The following SLC13A5 variants were observed in gnomAD, a reference collection of about 807,000 sequenced individuals.
SLC13A5 encodes solute carrier family 13 member 5.
SLC13A5 carries 25 observed loss-of-function variants against 56.5 expected under a neutral mutation model. The observed-to-expected ratio is 0.44, with a 90% CI of 0.32 to 0.62. The LOEUF (loss-of-function observed/expected upper bound fraction) is 0.62. Ranked by LOEUF, SLC13A5 falls within the 20% of genes least tolerant of loss-of-function variation. The pLI is 0.04. For synonymous variants in SLC13A5, 307 were observed against 301.5 expected (o/e 1.02, Z -0.19); for missense variants, 649 against 737.8 (o/e 0.88, Z 1.39).
intron 7 of SLC13A5, chr17:6,695,320 C>T (rs1973530945): frequency 5.7e-6 from 1 of 175,732 alleles, no homozygotes; most frequent in Non-Finnish European, 1.2e-5. Context: ...AGTGCCTGGC[C>T]CACATTCCTC....
rs1275671264 is a variant in SLC13A5 at position 6,692,274 on chromosome 17, TGGAC to T, written c.1275+766_1275+769del. 5.8e-4 allele frequency among the ~76,000 whole-genome samples: 86 copies of T among 149,312 alleles called. 1 individual carries two copies. Among genetic ancestry groups the T allele is most frequent in the Admixed American group, 1.9e-3 (29 of 15,036 alleles). Reference sequence around the variant, plus strand: ...ATGGATGGATGGATGGATGGATGGATGGACGGATGGACGGACGGATGGATGGATG... The same window carrying T: ...ATGGATGGATGGATGGATGGATGGATGGATGGACGGACGGATGGATGGATG... On this transcript the variant is annotated intron_variant, in intron 9 of 11. Transcript: ENST00000433363. The surrounding 1 kb of genome is among the most constrained non-coding windows in gnomAD (Gnocchi z 5.5).
In SLC13A5 at chr17:6,695,881, C is replaced by T. The variant is rs1238675463; in HGVS notation, c.900G>A (p.Lys300=). 7.4e-6 allele frequency: 12 copies of T among 1,614,004 alleles called. No homozygotes were observed. Among genetic ancestry groups the T allele is most frequent in the African/African-American group, 1.3e-5 (1 of 74,918 alleles). ...GCTTCCGGTACTCCTCCTGCAGCAC[C>T]TTGAGGGCAGCCTTCTCGTTTTTCT... ...ESKKNEKAAL[K]VLQEEYRKLG... Residue 300 remains lysine, a synonymous_variant, in exon 7 of 12, where the codon AAG becomes AAA. Transcript: ENST00000433363.
In SLC13A5 at chr17:6,695,776, G is replaced by A. The variant is rs56224509; in HGVS notation, c.1005C>T (p.Pro335=). Residue 335 remains proline, a synonymous_variant, in exon 7 of 12, where the codon CCC becomes CCT. Coordinates refer to ENST00000433363, the MANE Select transcript of SLC13A5 (RefSeq NM_177550.5). ...LLVILWFSRD[P]GFMPGWLTVA... Reference sequence around the variant, plus strand: ...CAGTCAGCCAGCCGGGCATGAAGCCGGGGTCTCGGGAGAACCACAGGATGA... The same window carrying A: ...CAGTCAGCCAGCCGGGCATGAAGCCAGGGTCTCGGGAGAACCACAGGATGA... 0.082 allele frequency: 131,734 copies of A among 1,614,094 alleles called. 6,061 individuals are homozygous for A. The highest frequency in any genetic ancestry group is 0.095 in the Non-Finnish European group (112,362 of 1,179,992).
In SLC13A5 at chr17:6,686,225, C is replaced by T. The variant is rs1567612268; in HGVS notation, c.1689G>A (p.Val563=). The change falls in exon 12 of 12, where the codon GTG becomes GTA. Residue 563 remains valine, a synonymous_variant. Transcript: ENST00000433363. ...GCTCTTCCTAAGTCTCAATATGTGT[C>T]ACATTAGCCCAGTCAGGGAAATGAT... ...DLDHFPDWAN[V]THIET is the part of the protein sequence containing the mutation. The T allele has an allele frequency of 3.1e-6, 5 of 1,614,038 alleles. No individual in the cohort carries two copies. Among genetic ancestry groups the T allele is most frequent in the Non-Finnish European group, 4.2e-6 (5 of 1,180,042 alleles).
rs555139145 is a variant in SLC13A5 at position 6,687,663 on chromosome 17, G to A, written c.1441C>T (p.Arg481Cys). ...LFLPIFASMS[R>C]SIGLNPLYIM... ...TACAGCGGATTGAGGCCGATGGAGC[G>A]AGACTGCGGAAAAACAGCACTGCAA... The change falls in exon 11 of 12, where the codon CGC becomes TGC. Residue 481 changes from arginine to cysteine, a missense_variant. Coordinates refer to ENST00000433363, the MANE Select transcript of SLC13A5 (RefSeq NM_177550.5). The surrounding 1 kb of genome is among the most constrained non-coding windows in gnomAD (Gnocchi z 5.0). 51 of 1,593,638 alleles carry A rather than the reference G, an allele frequency of 3.2e-5. No homozygotes were observed. The highest frequency in any genetic ancestry group is 6.8e-5 in the East Asian group (3 of 44,212).
At chr17:6,707,211 C>G (rs188300653) in intron 1 of SLC13A5, 55 bp from the exon 2 acceptor site, 6 of 1,603,738 alleles carry the variant, frequency 3.7e-6, no homozygotes, top group Non-Finnish European at 3.4e-6. Flanking sequence ...TCCCCACCCC[C>G]AGAACACTCC....
chr17:6,707,012 C>T lies in SLC13A5; in HGVS notation c.231+16G>A. 6.2e-7 allele frequency: 1 copy of T among 1,613,572 alleles called. No homozygotes were observed. The highest frequency in any genetic ancestry group is 8.5e-7 in the Non-Finnish European group (1 of 1,179,936). ...GGAGAACCAGAAAGTCACCAGGATC[C>T]CTTGGGTCTGCTCACCTGCCTGGAG... is the stretch of plus-strand genomic sequence containing the variant. On this transcript the variant is annotated intron_variant, in intron 2 of 11. Transcript: ENST00000433363.
rs756166033 is a variant in SLC13A5 at position 6,690,926 on chromosome 17, G to A, written c.1290C>T (p.Ser430=). ...GCTCCATCTGCTTCCCCATCCACAC[G>A]GACAGCCCCGAGGCCTGGGAAGCAC... ...LAKGSEASGL[S]VWMGKQMEPL... Residue 430 remains serine (S), a synonymous_variant, in exon 10 of 12, where the codon TCC becomes TCT. Transcript: ENST00000433363. The A allele has an allele frequency of 3.1e-5, 50 of 1,609,734 alleles. No homozygotes were observed. Among genetic ancestry groups the A allele is most frequent in the Non-Finnish European group, 3.7e-5 (44 of 1,177,382 alleles).
At chr17:6,696,559 C>T (rs1346331724) in intron 6 of SLC13A5, among the ~76,000 whole-genome samples, 1 of 152,030 alleles carries the variant, frequency 6.6e-6, no homozygotes, top group Non-Finnish European at 1.5e-5. Context: ...GACCAGTGTC[C>T]ATTGTCCAGG....
chr17:6,686,608 G>A (rs1973259255), intron 11 of SLC13A5: 3 of 400,330 alleles, frequency 7.5e-6, no homozygotes, highest in Non-Finnish European at 1.4e-5. Flanking sequence ...GGAGGCAACA[G>A]CTTAGGCCAT....
At chr17:6,710,624 C>A (rs1299702933) in intron 1 of SLC13A5, among the ~76,000 whole-genome samples, 11 of 152,150 alleles carry the variant, frequency 7.2e-5, no homozygotes, top group African/African-American at 2.7e-4. Context: ...AGTCAACAGG[C>A]TTGACCCCCC....
At chr17:6,707,708 G>A (rs989339047) in intron 1 of SLC13A5, among the ~76,000 whole-genome samples, 48 of 152,130 alleles carry the variant, frequency 3.2e-4, no homozygotes, top group African/African-American at 1.1e-3. Context: ...GCAATGGAAA[G>A]CCAAATAGTG....
chr17:6,703,179 G>A lies in SLC13A5; in HGVS notation c.548-41C>T, dbSNP rs747181915. On this transcript the variant is annotated intron_variant, in intron 4 of 11. Transcript: ENST00000433363. Reference sequence around the variant, plus strand: ...CGCTGTTAGCTGAGCCAGTCATGGGGGCTGCCCACCCAGCCCCAGGTCCTG... The same window carrying A: ...CGCTGTTAGCTGAGCCAGTCATGGGAGCTGCCCACCCAGCCCCAGGTCCTG... 4.5e-5 allele frequency: 72 copies of A among 1,609,920 alleles called. No homozygotes were observed. In the East Asian group the frequency reaches 1.5e-3, roughly 33 times the overall value.
chr17:6,708,485 C>T (rs946205520), intron 1 of SLC13A5, among the ~76,000 whole-genome samples: 31 of 152,262 alleles, frequency 2.0e-4, no homozygotes, highest in African/African-American at 6.5e-4. Context: ...AATGCGTAAG[C>T]GAAACAACAT....
At position 6,711,551 on chromosome 17, in the gene SLC13A5, TG is replaced by T. The variant is rs200565617; in HGVS notation, c.102+1680del. On this transcript the variant is annotated intron_variant, in intron 1 of 11. Transcript: ENST00000433363. This position sits in a 1 kb window ranked among gnomAD's most constrained non-coding sequence, Gnocchi z 4.0. Reference sequence around the variant, plus strand: ...GTGTTTTTTGTGTGTTTTGTGTGTGTGTTTGTGTGTGTGTTTGTGTGTCTGT... The same window carrying T: ...GTGTTTTTTGTGTGTTTTGTGTGTGTTTTGTGTGTGTGTTTGTGTGTCTGT... Among the ~76,000 whole-genome samples the T allele has an allele frequency of 9.1e-6, 1 of 109,662 alleles. No individual in the cohort carries two copies. The highest frequency in any genetic ancestry group is 2.8e-4 in the South Asian group (1 of 3,544). The allele number at this position is 109,662 out of a possible 152,430, so 71.9% of individuals were successfully genotyped here.
At position 6,701,970 on chromosome 17, in the gene SLC13A5, C is replaced by A. The variant is rs140131822; in HGVS notation, c.717-844G>T. Among the ~76,000 whole-genome samples the A allele has an allele frequency of 0.015, 2,254 of 152,258 alleles. 25 individuals are homozygous for A. Among genetic ancestry groups the A allele is most frequent in the Non-Finnish European group, 0.023 (1,562 of 68,010 alleles). On this transcript the variant is annotated intron_variant, in intron 5 of 11. Transcript: ENST00000433363. The surrounding 1 kb of genome is among the most constrained non-coding windows in gnomAD (Gnocchi z 4.1). ...TTTAGCTCAAGAGTGTCAAAGCAGG[C>A]GCAGAGCTTTCCCCACTCAGCCCAG...
intron 7 of SLC13A5, 29 bp from the exon 8 acceptor site, chr17:6,694,226 C>T (rs778116729): frequency 1.4e-5 from 19 of 1,361,126 alleles, no homozygotes; most frequent in East Asian, 1.4e-4. Flanking sequence ...AGCTCATCTG[C>T]GACAGAGACA....
chr17:6,686,210 A>G lies in SLC13A5; in HGVS notation c.1704T>C (p.Thr568=), dbSNP rs778318057. ...PDWANVTHIE[T] The stretch of plus-strand genomic sequence containing the variant: ...GTGTGTGGTCTTGTGGCTCTTCCTA[A>G]GTCTCAATATGTGTCACATTAGCCC... The change falls in exon 12 of 12, where the codon ACT becomes ACC. Residue 568 remains threonine (T), a synonymous_variant. Coordinates refer to ENST00000433363, the MANE Select transcript of SLC13A5 (RefSeq NM_177550.5). 6.2e-7 allele frequency: 1 copy of G among 1,614,092 alleles called. No individual in the cohort carries two copies. Among genetic ancestry groups the G allele is most frequent in the South Asian group, 1.1e-5 (1 of 91,080 alleles).
At chr17:6,702,343 C>T (rs1406925725) in intron 5 of SLC13A5, among the ~76,000 whole-genome samples, 2 of 152,230 alleles carry the variant, frequency 1.3e-5, no homozygotes, top group Non-Finnish European at 2.9e-5. Flanking sequence ...TTCTCTCCCT[C>T]TTGGGGTCCT....
Sources: allele counts gnomAD v4.1 joint callset (sites outside exome capture counted in the v4.1 genomes callset), GRCh38; gene constraint gnomAD v4.1.1; non-coding constraint Gnocchi (gnomAD v3.1); transcripts MANE v1.5; gene names NCBI Gene and HGNC (gene_info 2026-07-23, HGNC 2026-07-21).